The following TARBP1 variants were observed in gnomAD, a reference collection of about 807,000 sequenced individuals.
TARBP1 encodes tRNA (guanosine(18)-2'-O)-methyltransferase TARBP1.
Under a neutral mutation model 178.6 loss-of-function variants are expected in TARBP1, and 144 were observed. That is an observed-to-expected ratio of 0.81 (90% CI 0.70 to 0.93). TARBP1 has a LOEUF of 0.93. Ranked by LOEUF, TARBP1 falls within the 40% of genes least tolerant of loss-of-function variation. TARBP1 has a pLI of 0.00. For missense variants in TARBP1, 2,067 were observed against 2,011.7 expected (o/e 1.03, Z -0.53); for synonymous variants, 787 against 781.0 (o/e 1.01, Z -0.13).
intron 20 of TARBP1, among the ~76,000 whole-genome samples, chr1:234,423,097 G>T (rs1313488311): frequency 6.6e-6 from 1 of 152,212 alleles, no homozygotes. Context: ...TGCTGATCCA[G>T]AGACCACACT....
At chr1:234,421,138 G>C (rs1311432400) in intron 20 of TARBP1, among the ~76,000 whole-genome samples, 1 of 152,120 alleles carries the variant, frequency 6.6e-6, no homozygotes, top group Non-Finnish European at 1.5e-5. Flanking sequence ...GCCCAGGCTG[G>C]AGTGCAATGG....
chr1:234,454,711 T>C (rs1472797394), intron 9 of TARBP1, among the ~76,000 whole-genome samples: 1 of 152,238 alleles, frequency 6.6e-6, no homozygotes, highest in African/African-American at 2.4e-5. Flanking sequence ...TTCCCATCCT[T>C]CAGACTGGTA....
chr1:234,429,209 T>G lies in TARBP1; in HGVS notation c.2987A>C (p.Gln996Pro), dbSNP rs772502912. 6.2e-7 allele frequency: 1 copy of G among 1,607,186 alleles called. No individual in the cohort carries two copies. The highest frequency in any genetic ancestry group is 2.2e-5 in the East Asian group (1 of 44,846). The change falls in exon 17 of 30, where the codon CAG (glutamine) becomes CCG (proline). Residue 996 changes from glutamine (Q) to proline (P), a missense_variant. Coordinates refer to ENST00000040877, the MANE Select transcript of TARBP1 (RefSeq NM_005646.4). ...AAGAACTTTGTTATCAAAAACAAACTGAACAAAAGCTTTTAAATTAGCCCA... is the reference window on the plus strand; with the variant it reads ...AAGAACTTTGTTATCAAAAACAAACGGAACAAAAGCTTTTAAATTAGCCCA... ...IFWANLKAFV[Q>P]FVFDNKVLTI...
At chr1:234,433,229 C>T (rs1319054135) in intron 14 of TARBP1, among the ~76,000 whole-genome samples, 181 bp downstream of exon 14, 1 of 152,188 alleles carries the variant, frequency 6.6e-6, no homozygotes, top group African/African-American at 2.4e-5. Context: ...CAGAGCCAGA[C>T]TCCATCTCCA....
chr1:234,459,083 G>A (rs986086574), intron 8 of TARBP1, 147 bp downstream of exon 8: 2 of 606,516 alleles, frequency 3.3e-6, no homozygotes, highest in Admixed American at 3.2e-5. Flanking sequence ...GAGATCATAT[G>A]TATTATTTTA....
Position 234,450,557 on chromosome 1 carries a change from A to G in TARBP1, c.1732T>C (p.Trp578Arg), listed in dbSNP as rs776505384. ...GTSLWTELCDWLRVNESYFKP... is the reference protein window; with the variant it reads ...GTSLWTELCDRLRVNESYFKP... ...AAATAGCTTTCATTAACACGTAGCC[A>G]GTCACACAGCTGGAAAAGAAAACAG... The change falls in exon 10 of 30, where the codon TGG (tryptophan) becomes CGG (arginine). Residue 578 changes from tryptophan (W) to arginine (R), a missense_variant. Physicochemically the swap from Trp to Arg is moderately radical, Grantham distance 101. Transcript: ENST00000040877. 3.7e-6 allele frequency: 6 copies of G among 1,606,860 alleles called. No individual in the cohort carries two copies. The South Asian group carries it at 6.7e-5, about 18-fold the overall frequency.
chr1:234,459,477 A>G, intron 7 of TARBP1, 151 bp from the exon 8 acceptor site: 1 of 605,170 alleles, frequency 1.7e-6, no homozygotes, highest in South Asian at 2.3e-5. Flanking sequence ...TATGGCCTCT[A>G]TTAAGAGCTC....
chr1:234,433,481 G>A lies in TARBP1; in HGVS notation c.2323C>T (p.Pro775Ser). The change falls in exon 14 of 30, where the codon CCT (proline) becomes TCT (serine). Residue 775 changes from proline to serine, a missense_variant. Physicochemically the swap from Pro to Ser is moderately conservative, Grantham distance 74. Transcript: ENST00000040877. ...HLKVGWKRGN[P>S]IWRVISLLKN... is the part of the protein sequence containing the mutation. ...AAAAGAGAAATAACTCTCCAGATAG[G>A]GTTACCCCTTTTCCACCCAACCTTC... is the stretch of plus-strand genomic sequence containing the variant. 1 of 1,613,990 alleles carries A rather than the reference G, an allele frequency of 6.2e-7. No homozygotes were observed. The highest frequency in any genetic ancestry group is 8.5e-7 in the Non-Finnish European group (1 of 1,179,996).
At chr1:234,449,685 A>T (rs1407798597) in intron 10 of TARBP1, among the ~76,000 whole-genome samples, 2 of 152,238 alleles carry the variant, frequency 1.3e-5, no homozygotes, top group Non-Finnish European at 2.9e-5. Context: ...TAATTATCTG[A>T]TCATTTAAGA....
chr1:234,425,677 T>C lies in TARBP1; in HGVS notation c.3440A>G (p.Asp1147Gly). 1 of 1,611,182 alleles carries C rather than the reference T, an allele frequency of 6.2e-7. No homozygotes were observed. Among genetic ancestry groups the C allele is most frequent in the Non-Finnish European group, 8.5e-7 (1 of 1,179,058 alleles). Residue 1147 changes from aspartate to glycine, a missense_variant, in exon 20 of 30, where the codon GAT becomes GGT. Physicochemically the swap from Asp to Gly is moderately conservative, Grantham distance 94. Transcript: ENST00000040877. The part of the protein sequence containing the change: ...FIEDLAIKLL[D>G]KDELVSKSKK... ...TTTAAAGTAAAATACACTTACTTTATCTAATAGCTTGATTGCAAGATCCTC... is the reference window on the plus strand; with the variant it reads ...TTTAAAGTAAAATACACTTACTTTACCTAATAGCTTGATTGCAAGATCCTC...
At chr1:234,410,597 G>T in intron 22 of TARBP1, 66 bp from the exon 23 acceptor site, 1 of 1,054,850 alleles carries the variant, frequency 9.5e-7, no homozygotes, top group Non-Finnish European at 1.4e-6. Flanking sequence ...ACGTGAAAGC[G>T]CCGTGCTGGA....
chr1:234,420,086 C>G (rs942158253), intron 21 of TARBP1, among the ~76,000 whole-genome samples: 21 of 152,156 alleles, frequency 1.4e-4, no homozygotes, highest in African/African-American at 5.1e-4. Flanking sequence ...TAATGATGAT[C>G]TATTTTCTCA....
At position 234,392,412 on chromosome 1, in the gene TARBP1, T is replaced by C. The variant is rs757400728; in HGVS notation, c.4697+4A>G. 15 of 1,613,702 alleles carry C rather than the reference T, an allele frequency of 9.3e-6. No individual in the cohort carries two copies. Among genetic ancestry groups the C allele is most frequent in the East Asian group, 2.2e-5 (1 of 44,872 alleles). ...ATATACTATGGACACAAGAAGCTTC[T>C]TACCCCAACAAGAGCAGAGATTTCT... On this transcript the variant is annotated splice_donor_region_variant and intron_variant, in intron 29 of 29. Coordinates refer to ENST00000040877, the MANE Select transcript of TARBP1 (RefSeq NM_005646.4).
chr1:234,393,462 A>C lies in TARBP1; in HGVS notation c.4460T>G (p.Phe1487Cys). Residue 1487 changes from phenylalanine to cysteine, a missense_variant, in exon 28 of 30, where the codon TTT becomes TGT. Phe to Cys is a radical substitution (Grantham distance 205). Transcript: ENST00000040877. ...LGGLCRTCEV[F>C]GASVLVVGSL... is the part of the protein sequence containing the mutation. ...GCCAACAACGAGCACTGAAGCCCCA[A>C]ATACCTCACAGGTCCTGCACAGTCC... 6.2e-7 allele frequency: 1 copy of C among 1,607,228 alleles called. No homozygotes were observed. Among genetic ancestry groups the C allele is most frequent in the South Asian group, 1.1e-5 (1 of 90,324 alleles).
intron 5 of TARBP1, among the ~76,000 whole-genome samples, chr1:234,465,126 G>T (rs1668304159): frequency 6.6e-6 from 1 of 152,120 alleles, no homozygotes; most frequent in South Asian, 2.1e-4. Context: ...CACTCAAACA[G>T]ATATAAATGA....
intron 5 of TARBP1, among the ~76,000 whole-genome samples, chr1:234,464,539 T>A (rs1217530416): frequency 6.6e-6 from 1 of 152,208 alleles, no homozygotes; most frequent in Non-Finnish European, 1.5e-5. Context: ...TTCATTGGTT[T>A]TACTGCTCTC....
At chr1:234,419,280 T>C (rs1662817032) in intron 21 of TARBP1, among the ~76,000 whole-genome samples, 1 of 152,184 alleles carries the variant, frequency 6.6e-6, no homozygotes, top group African/African-American at 2.4e-5. Context: ...TTCTACTTAG[T>C]AGAAAAAGAG....
intron 25 of TARBP1, among the ~76,000 whole-genome samples, chr1:234,399,398 G>A (rs949603138): frequency 6.6e-6 from 1 of 152,156 alleles, no homozygotes; most frequent in Admixed American, 6.5e-5. Flanking sequence ...TGATTAAGGG[G>A]GAACCAAGTA....
chr1:234,408,226 A>G lies in TARBP1; in HGVS notation c.3793-2127T>C, dbSNP rs142794791. ...TTTTTTTTTTTTTTCCTTTTATAGG[A>G]ACACTTCGTGCTCTGATTCTGAAAC... On this transcript the variant is annotated intron_variant, in intron 23 of 29. Coordinates refer to ENST00000040877, the MANE Select transcript of TARBP1 (RefSeq NM_005646.4). 6.1e-3 allele frequency among the ~76,000 whole-genome samples: 929 copies of G among 151,758 alleles called. 15 individuals carry two copies. Among genetic ancestry groups the G allele is most frequent in the African/African-American group, 0.022 (893 of 41,330 alleles).
Sources: allele counts gnomAD v4.1 joint callset (sites outside exome capture counted in the v4.1 genomes callset), GRCh38; gene constraint gnomAD v4.1.1; transcripts MANE v1.5; gene names NCBI Gene and HGNC (gene_info 2026-07-23, HGNC 2026-07-21).